The following AKT3 variants were observed in gnomAD, a reference collection of about 807,000 sequenced individuals.
AKT3 encodes AKT serine/threonine kinase 3, also known as RAC-gamma serine/threonine-protein kinase.
In AKT3, 15 loss-of-function variants were observed where a neutral mutation model predicts 65.3. The ratio of observed to expected loss-of-function variants is 0.23; its 90% confidence interval spans 0.15 to 0.35. AKT3 has a LOEUF of 0.35. AKT3 is among the 10% of genes least tolerant of loss of function. AKT3 has a pLI of 1.00. For missense variants in AKT3, 243 were observed against 576.5 expected, an observed-to-expected ratio of 0.42 and a Z score of 5.92; for synonymous variants, 206 against 183.8, an observed-to-expected ratio of 1.12 and a Z score of -0.98.
chr1:243,588,222 A>G (rs1240001691), intron 8 of AKT3, among the ~76,000 whole-genome samples: 6 of 152,168 alleles, frequency 3.9e-5, no homozygotes, highest in Non-Finnish European at 8.8e-5. Context: ...TCTGCAGTTG[A>G]ATACTAAGCA....
At chr1:243,643,800 C>T (rs750875237) in intron 5 of AKT3, among the ~76,000 whole-genome samples, 2 of 152,192 alleles carry the variant, frequency 1.3e-5, no homozygotes, top group African/African-American at 2.4e-5. Flanking sequence ...GAAATGTATC[C>T]TATAAATTAT....
At chr1:243,510,790 C>A (rs952060420) in intron 13 of AKT3, among the ~76,000 whole-genome samples, 1 of 152,160 alleles carries the variant, frequency 6.6e-6, no homozygotes, top group Non-Finnish European at 1.5e-5. Context: ...TGGGATGGCA[C>A]CGGAAGGTTT....
At chr1:243,635,022 T>C (rs1679876383) in intron 6 of AKT3, among the ~76,000 whole-genome samples, 1 of 151,964 alleles carries the variant, frequency 6.6e-6, no homozygotes, top group Admixed American at 6.6e-5. Context: ...GAATCTACAG[T>C]CTTTTCAAGT....
chr1:243,700,205 T>C (rs1372648782), intron 2 of AKT3, among the ~76,000 whole-genome samples: 1 of 152,168 alleles, frequency 6.6e-6, no homozygotes, highest in Non-Finnish European at 1.5e-5. Flanking sequence ...ATGTACAGAT[T>C]CAGTTAGCAC....
At chr1:243,667,396 C>G (rs1336876480) in intron 3 of AKT3, among the ~76,000 whole-genome samples, 2 of 152,162 alleles carry the variant, frequency 1.3e-5, no homozygotes, top group Non-Finnish European at 2.9e-5. Context: ...GTGGCTTCCT[C>G]TATCTCACAT....
intron 8 of AKT3, among the ~76,000 whole-genome samples, chr1:243,579,497 G>T (rs1675180753): frequency 6.6e-6 from 1 of 152,150 alleles, no homozygotes; most frequent in Non-Finnish European, 1.5e-5. Context: ...AGGAACATTT[G>T]CTGTACTTAG....
intron 3 of AKT3, among the ~76,000 whole-genome samples, chr1:243,685,912 G>A (rs930347420): frequency 3.3e-5 from 5 of 152,082 alleles, no homozygotes; most frequent in African/African-American, 1.2e-4. Context: ...TAAAGTCTCA[G>A]GATACAAAAT....
chr1:243,510,378 G>A (rs1397535038), intron 13 of AKT3, among the ~76,000 whole-genome samples: 1 of 152,204 alleles, frequency 6.6e-6, no homozygotes, highest in Non-Finnish European at 1.5e-5. Flanking sequence ...CCCACTGCAT[G>A]TTAGTGGCGG....
At chr1:243,688,793 T>C (rs988723996) in intron 3 of AKT3, among the ~76,000 whole-genome samples, 1 of 152,090 alleles carries the variant, frequency 6.6e-6, no homozygotes, top group African/African-American at 2.4e-5. Context: ...TTTAAGACTT[T>C]CCATAATCTG....
chr1:243,805,560 C>T (rs546645488), intron 2 of AKT3, among the ~76,000 whole-genome samples: 2 of 152,120 alleles, frequency 1.3e-5, no homozygotes, highest in African/African-American at 4.8e-5. Context: ...AGTCTAGCTT[C>T]CTCCCTCCCC....
chr1:243,506,167 C>T (rs1043178189), intron 13 of AKT3, among the ~76,000 whole-genome samples: 4 of 152,236 alleles, frequency 2.6e-5, no homozygotes, highest in Non-Finnish European at 5.9e-5. Flanking sequence ...GGGCTGAGCA[C>T]CCGTCAGGCC....
chr1:243,641,645 C>T (rs901382175), intron 5 of AKT3, among the ~76,000 whole-genome samples: 1 of 151,824 alleles, frequency 6.6e-6, no homozygotes, highest in Non-Finnish European at 1.5e-5. Context: ...AATTGCAATC[C>T]TTATTCTTGG....
chr1:243,489,511 C>G (rs999586812), intron 13 of AKT3, among the ~76,000 whole-genome samples: 5 of 152,082 alleles, frequency 3.3e-5, no homozygotes, highest in Non-Finnish European at 7.3e-5. Flanking sequence ...CTCTGAAGGT[C>G]GTGTATGGTT....
intron 2 of AKT3, among the ~76,000 whole-genome samples, chr1:243,725,937 T>C (rs1028648421): frequency 6.6e-6 from 1 of 152,194 alleles, no homozygotes. Context: ...CATTCACTCA[T>C]CTATCTGGCA....
At chr1:243,615,654 T>C (rs1278835494) in intron 6 of AKT3, among the ~76,000 whole-genome samples, 2 of 152,198 alleles carry the variant, frequency 1.3e-5, no homozygotes, top group Admixed American at 1.3e-4. Flanking sequence ...ATGCAATATT[T>C]AGTTCTAAAT....
At chr1:243,598,743 A>C (rs1021828555) in intron 8 of AKT3, among the ~76,000 whole-genome samples, 2 of 152,122 alleles carry the variant, frequency 1.3e-5, no homozygotes, top group Non-Finnish European at 2.9e-5. Flanking sequence ...GAGATAACTA[A>C]ATTTATAGTA....
chr1:243,675,691 A>G (rs993823920), intron 3 of AKT3, among the ~76,000 whole-genome samples: 3 of 152,112 alleles, frequency 2.0e-5, no homozygotes, highest in Admixed American at 1.3e-4. Context: ...TTTATCAGAT[A>G]TATTTTCCTT....
intron 12 of AKT3, 89 bp from the exon 13 acceptor site, chr1:243,512,515 A>G: frequency 1.3e-6 from 1 of 788,740 alleles, no homozygotes. Flanking sequence ...ACGTAGTTAA[A>G]TGAACAGAAC....
intron 6 of AKT3, among the ~76,000 whole-genome samples, chr1:243,631,314 T>C (rs1408299226): frequency 6.6e-6 from 1 of 152,130 alleles, no homozygotes; most frequent in East Asian, 1.9e-4. Flanking sequence ...GGTGTGGCAA[T>C]TTCTTTCTTT....
Sources: allele counts gnomAD v4.1 joint callset (sites outside exome capture counted in the v4.1 genomes callset), GRCh38; gene constraint gnomAD v4.1.1; transcripts MANE v1.5; gene names NCBI Gene and HGNC (gene_info 2026-07-23, HGNC 2026-07-21).